The following ANKRD30BL variants were observed in gnomAD, a reference collection of about 807,000 sequenced individuals.
ANKRD30BL encodes putative ankyrin repeat domain-containing protein 30B-like.
Under a neutral mutation model 18.4 loss-of-function variants are expected in ANKRD30BL, and 20 were observed. The observed-to-expected ratio is 1.09, with a 90% CI of 0.77 to 1.58. The LOEUF (loss-of-function observed/expected upper bound fraction) is 1.58, where lower values mean the gene tolerates loss of function less well. Ranked by LOEUF, ANKRD30BL falls within the 40% of genes most tolerant of loss-of-function variation. The pLI is 0.00. For synonymous variants in ANKRD30BL, 72 were observed against 100.9 expected (o/e 0.71, Z 1.72); for missense variants, 224 against 268.6 (o/e 0.83, Z 1.16).
At chr2:132,208,634 T>G (rs1322797925) in intron 1 of ANKRD30BL, among the ~76,000 whole-genome samples, 1 of 151,824 alleles carries the variant, frequency 6.6e-6, no homozygotes, top group East Asian at 1.9e-4. Context: ...ACCATTTATT[T>G]AAGATACAGA....
chr2:132,211,110 A>G (rs1393153869), intron 1 of ANKRD30BL, among the ~76,000 whole-genome samples: 2 of 152,100 alleles, frequency 1.3e-5, no homozygotes, highest in African/African-American at 2.4e-5. Flanking sequence ...GTGTGCATTC[A>G]TCTCACAGTG....
intron 1 of ANKRD30BL, among the ~76,000 whole-genome samples, chr2:132,211,655 G>A (rs1182629917): frequency 6.6e-6 from 1 of 151,814 alleles, no homozygotes; most frequent in Non-Finnish European, 1.5e-5. Context: ...TTTTGATTGA[G>A]CAGTTTTGAA....
At chr2:132,173,051 A>T (rs1220555327) in intron 1 of ANKRD30BL, among the ~76,000 whole-genome samples, 3 of 638 alleles carry the variant, frequency 4.7e-3, no homozygotes, top group African/African-American at 8.9e-3. Context: ...GATGAAACTA[A>T]TTTTTTTATT....
chr2:132,175,234 A>G (rs57918763), intron 1 of ANKRD30BL, among the ~76,000 whole-genome samples: 92,555 of 150,918 alleles, frequency 0.61, 30,425 homozygotes, highest in African/African-American at 0.87. Context: ...AGAGGAATGC[A>G]GTAGGAGAGC....
intron 1 of ANKRD30BL, among the ~76,000 whole-genome samples, chr2:132,201,298 A>G (rs1429543150): frequency 6.6e-6 from 1 of 152,212 alleles, no homozygotes; most frequent in East Asian, 1.9e-4. Flanking sequence ...GACAAATGGG[A>G]TCTAATTAAA....
In ANKRD30BL at chr2:132,245,916, A is replaced by AT. The variant is rs1680486261; in HGVS notation, n.441+11612dup. 3.3e-5 allele frequency among the ~76,000 whole-genome samples: 5 copies of AT among 151,720 alleles called. No homozygotes were observed. The South Asian group carries it at 1.0e-3, about 32-fold the overall frequency. ...CTTTTTGGAGTATTTGAAATTGGAC[A>AT]TTTGGAGCACTTTGAGGCCTATGGT... On this transcript the variant is annotated intron_variant and non_coding_transcript_variant, in intron 1 of 4. Transcript: ENST00000470729.
In ANKRD30BL at chr2:132,160,657, T is replaced by C. The variant is rs559495600; in HGVS notation, c.218+831A>G. 4.8e-3 allele frequency among the ~76,000 whole-genome samples: 729 copies of C among 151,500 alleles called. 8 individuals carry two copies. The highest frequency in any genetic ancestry group is 0.017 in the African/African-American group (698 of 41,228). ...GTTAGCCAGGATGGTCTCGATCTCC[T>C]GACCTCATGATCCACCCACCTCGGC... On this transcript the variant is annotated intron_variant, in intron 1 of 5. Coordinates refer to ENST00000409867, the MANE Select transcript of ANKRD30BL (RefSeq NM_001358416.1).
chr2:132,149,934 T>C (rs550038186), intron 5 of ANKRD30BL, among the ~76,000 whole-genome samples: 1 of 152,280 alleles, frequency 6.6e-6, no homozygotes, highest in African/African-American at 2.4e-5. Context: ...ATAGTACATA[T>C]AAAATAGAAA....
At chr2:132,165,296 G>T (rs1688168022), upstream of ANKRD30BL, among the ~76,000 whole-genome samples, 1 of 148,754 alleles carries the variant, frequency 6.7e-6, no homozygotes. Context: ...GAGACCTCTT[G>T]GTTTCTTCCA....
At chr2:132,162,098 G>C (rs1228264388), upstream of ANKRD30BL, 1 of 184,444 alleles carries the variant, frequency 5.4e-6, no homozygotes, top group African/African-American at 2.4e-5. Context: ...AGCGGAACGT[G>C]GGGGGCTCCC....
At chr2:132,237,278 T>C (rs1308563686) in intron 1 of ANKRD30BL, among the ~76,000 whole-genome samples, 1 of 151,868 alleles carries the variant, frequency 6.6e-6, no homozygotes, top group African/African-American at 2.4e-5. Context: ...AGAATAATAA[T>C]AATAATAAAA....
At chr2:132,216,680 G>A (rs1558938156) in intron 1 of ANKRD30BL, among the ~76,000 whole-genome samples, 1 of 151,934 alleles carries the variant, frequency 6.6e-6, no homozygotes, top group African/African-American at 2.4e-5. Context: ...GAGGCCTGTG[G>A]TAGAAAAGGA....
chr2:132,187,151 A>G (rs1359938975), intron 1 of ANKRD30BL, among the ~76,000 whole-genome samples: 1 of 148,344 alleles, frequency 6.7e-6, no homozygotes, highest in Non-Finnish European at 1.5e-5. Flanking sequence ...TAATCTAATC[A>G]TGCATCGTAG....
rs560748076 is a variant in ANKRD30BL at position 132,157,020 on chromosome 2, C to T, written c.460G>A (p.Val154Met). Residue 154 changes from valine (V) to methionine (M), a missense_variant, in exon 3 of 6, where the codon GTG becomes ATG. This residue lies in a region of ANKRD30BL where 30 missense variants were observed against 77.5 expected (regional missense o/e 0.39). Transcript: ENST00000409867. ...GCACCACAGGACAGCAATTTTGCCA[C>T]CACTGACAAATTCTCACTGTTAACA... Reference protein sequence around the residue: ...YAVNSENLSVVAKLLSCGADI... With the variant: ...YAVNSENLSVMAKLLSCGADI... 6.9e-5 allele frequency: 93 copies of T among 1,351,678 alleles called. 1 individual carries two copies. The East Asian group carries it at 2.2e-3, about 31-fold the overall frequency. The allele number at this position is 1,351,678 out of a possible 1,614,324, so 83.7% of individuals were successfully genotyped here.
chr2:132,187,396 T>C (rs1688585888), intron 1 of ANKRD30BL, among the ~76,000 whole-genome samples: 1 of 151,922 alleles, frequency 6.6e-6, no homozygotes, highest in Non-Finnish European at 1.5e-5. Context: ...GGTTTAGCCA[T>C]GTTGGCCGGG....
chr2:132,234,925 C>T (rs192368013), intron 1 of ANKRD30BL, among the ~76,000 whole-genome samples: 1,998 of 152,162 alleles, frequency 0.013, 19 homozygotes, highest in South Asian at 0.019. Flanking sequence ...AACATTGATG[C>T]AAAAATCCTC....
intron 1 of ANKRD30BL, among the ~76,000 whole-genome samples, chr2:132,176,465 G>C (rs1688368971): frequency 6.6e-6 from 1 of 152,146 alleles, no homozygotes; most frequent in Non-Finnish European, 1.5e-5. Flanking sequence ...GAGGTGGGTA[G>C]CCGGGCATGG....
intron 1 of ANKRD30BL, among the ~76,000 whole-genome samples, chr2:132,215,660 G>A (rs1679478703): frequency 6.6e-6 from 1 of 151,892 alleles, no homozygotes; most frequent in Non-Finnish European, 1.5e-5. Flanking sequence ...TGGACATTTT[G>A]AGTGCTTTGA....
intron 1 of ANKRD30BL, among the ~76,000 whole-genome samples, chr2:132,247,146 A>G (rs1680523737): frequency 6.6e-6 from 1 of 151,340 alleles, no homozygotes; most frequent in Non-Finnish European, 1.5e-5. Context: ...AAAAGGAAAT[A>G]TTTTCACATA....
Sources: allele counts gnomAD v4.1 joint callset (sites outside exome capture counted in the v4.1 genomes callset), GRCh38; gene constraint gnomAD v4.1.1; regional missense constraint gnomAD v4.1.1; transcripts MANE v1.5; gene names NCBI Gene and HGNC (gene_info 2026-07-23, HGNC 2026-07-21).